The following UBE3A variants were observed in gnomAD, a reference collection of about 807,000 sequenced individuals.
UBE3A encodes the protein ubiquitin-protein ligase E3A.
UBE3A carries 6 observed loss-of-function variants against 83.4 expected under a neutral mutation model. The ratio of observed to expected loss-of-function variants is 0.07; its 90% confidence interval spans 0.04 to 0.14. The LOEUF (loss-of-function observed/expected upper bound fraction) is 0.14, where lower values mean the gene tolerates loss of function less well. Ranked by LOEUF, UBE3A falls within the 10% of genes least tolerant of loss-of-function variation. UBE3A has a pLI of 1.00. For synonymous variants in UBE3A, 337 were observed against 355.4 expected (o/e 0.95, Z 0.58); for missense variants, 456 against 1,036.1 (o/e 0.44, Z 7.69).
chr15:25,351,705 C>T (rs368262459), intron 11 of UBE3A, among the ~76,000 whole-genome samples: 137 of 152,240 alleles, frequency 9.0e-4, no homozygotes, highest in African/African-American at 3.2e-3. Flanking sequence ...TCCTGGCTTC[C>T]GGTGATCTGC....
At chr15:25,405,346 T>C in intron 4 of UBE3A, 115 bp downstream of exon 4, 1 of 1,235,876 alleles carries the variant, frequency 8.1e-7, no homozygotes, top group Non-Finnish European at 1.2e-6. Context: ...TCCCATTTAC[T>C]GCTAAATGAT....
At chr15:25,352,677 TTC>T (rs995710044) in intron 11 of UBE3A, among the ~76,000 whole-genome samples, 60 of 152,358 alleles carry the variant, frequency 3.9e-4, no homozygotes, top group African/African-American at 1.4e-3. Context: ...CTTTTTTCTC[TTC>T]TGTTATTACA....
chr15:25,425,473 A>G (rs1567173880), intron 1 of UBE3A, among the ~76,000 whole-genome samples: 1 of 152,186 alleles, frequency 6.6e-6, no homozygotes, highest in Non-Finnish European at 1.5e-5. Flanking sequence ...AACAGTTTTG[A>G]AAGTTAGAGA....
intron 4 of UBE3A, among the ~76,000 whole-genome samples, chr15:25,387,393 G>A (rs1457892567): frequency 6.6e-6 from 1 of 151,988 alleles, no homozygotes; most frequent in Non-Finnish European, 1.5e-5. Context: ...GTGGTGGCAG[G>A]CGCCTGTAGT....
At chr15:25,408,505 T>A (rs967577990) in intron 3 of UBE3A, 2 of 1,351,512 alleles carry the variant, frequency 1.5e-6, no homozygotes, top group African/African-American at 2.9e-5. Flanking sequence ...AAAATGTAAA[T>A]CTCAGAATGA....
intron 1 of UBE3A, among the ~76,000 whole-genome samples, chr15:25,414,491 T>C (rs1365466941): frequency 6.6e-6 from 1 of 152,144 alleles, no homozygotes; most frequent in East Asian, 1.9e-4. Flanking sequence ...GATGGAGAGA[T>C]ACAGGGGGTG....
intron 6 of UBE3A, among the ~76,000 whole-genome samples, chr15:25,367,749 A>C (rs2079562346): frequency 6.6e-6 from 1 of 152,082 alleles, no homozygotes; most frequent in South Asian, 2.1e-4. Flanking sequence ...CTTGTCATCA[A>C]AGACAATTTC....
chr15:25,428,264 A>C (rs1415497835), intron 1 of UBE3A, among the ~76,000 whole-genome samples: 1 of 152,226 alleles, frequency 6.6e-6, no homozygotes, highest in East Asian at 1.9e-4. Context: ...TTAATGCTGG[A>C]ACAACTAGCT....
chr15:25,371,355 T>C lies in UBE3A; in HGVS notation c.819A>G (p.Val273=), dbSNP rs370294710. 2.2e-5 allele frequency: 35 copies of C among 1,613,996 alleles called. No individual in the cohort carries two copies. In the South Asian group the frequency reaches 3.5e-4, roughly 16 times the overall value. Residue 273 remains valine, a synonymous_variant, in exon 6 of 13, where the codon GTA becomes GTG. Coordinates refer to ENST00000648336, the MANE Select transcript of UBE3A (RefSeq NM_130839.5). The surrounding 1 kb of genome is among the most constrained non-coding windows in gnomAD (Gnocchi z 5.3). ...NVECDLTYHN[V]YSRDPNYLNL... is the part of the protein sequence containing the mutation. ...TCAGATAATTAGGATCTCGAGAGTA[T>C]ACATTGTGATACGTCAAGTCACATT...
chr15:25,404,358 A>G (rs147353683), intron 4 of UBE3A, among the ~76,000 whole-genome samples: 1,717 of 152,118 alleles, frequency 0.011, 40 homozygotes, highest in African/African-American at 0.039. Context: ...GTCAATCACT[A>G]TATCTGCATT....
intron 11 of UBE3A, among the ~76,000 whole-genome samples, chr15:25,345,469 A>G (rs1393602683): frequency 6.6e-6 from 1 of 152,082 alleles, no homozygotes; most frequent in African/African-American, 2.4e-5. Flanking sequence ...ATTTTTGACC[A>G]TTTTACAAAA....
intron 12 of UBE3A, 97 bp downstream of exon 12, chr15:25,339,988 C>G (rs978656272): frequency 6.7e-7 from 1 of 1,485,270 alleles, no homozygotes; most frequent in Non-Finnish European, 9.4e-7. Context: ...TATAAAATCA[C>G]GAATGTGCTC....
chr15:25,415,499 C>A (rs1456496982), intron 1 of UBE3A, among the ~76,000 whole-genome samples: 2 of 152,068 alleles, frequency 1.3e-5, no homozygotes, highest in Non-Finnish European at 2.9e-5. Flanking sequence ...TCTGAGGAGA[C>A]TTCACTCGGA....
At chr15:25,397,707 T>G (rs2085906086) in intron 4 of UBE3A, among the ~76,000 whole-genome samples, 1 of 152,150 alleles carries the variant, frequency 6.6e-6, no homozygotes, top group Admixed American at 6.6e-5. Flanking sequence ...AGCTTGTAAT[T>G]TGAAACTCAT....
At position 25,415,737 on chromosome 15, in the gene UBE3A, T is replaced by A. The variant is rs934479980; in HGVS notation, c.-164-3766A>T. ...TACATTACAGCTATCTGTATACATT[T>A]GTCAGTGCCTCTAGTTGTAAGCTGA... On this transcript the variant is annotated intron_variant, in intron 1 of 12. Coordinates refer to ENST00000648336, the MANE Select transcript of UBE3A (RefSeq NM_130839.5). 4 of 152,128 alleles carry A rather than the reference T, an allele frequency of 2.6e-5. No homozygotes were observed. In the Middle Eastern group the frequency reaches 0.01, roughly 391 times the overall value. 9.4% of individuals were successfully genotyped at this position (152,128 alleles called of 1,614,324 possible).
At chr15:25,372,816 A>G (rs967482638) in intron 5 of UBE3A, among the ~76,000 whole-genome samples, 4 of 152,208 alleles carry the variant, frequency 2.6e-5, no homozygotes, top group Admixed American at 1.3e-4. Context: ...GCACACAGAC[A>G]ATCCTACCTC....
intron 4 of UBE3A, among the ~76,000 whole-genome samples, chr15:25,376,096 G>T (rs1233511756): frequency 2.6e-5 from 4 of 152,086 alleles, no homozygotes; most frequent in Non-Finnish European, 5.9e-5. Flanking sequence ...AAATCACAAG[G>T]TTTACAGCTA....
intron 4 of UBE3A, among the ~76,000 whole-genome samples, chr15:25,394,519 T>C (rs1016669743): frequency 8.5e-5 from 13 of 152,212 alleles, no homozygotes; most frequent in African/African-American, 2.9e-4. Context: ...TGCTTATAGA[T>C]GTGTAAGTAC....
intron 11 of UBE3A, among the ~76,000 whole-genome samples, chr15:25,353,260 A>C (rs2076768054): frequency 1.3e-5 from 2 of 152,342 alleles, no homozygotes; most frequent in Admixed American, 1.3e-4. Flanking sequence ...GTGCACCAGA[A>C]AGAAGAAATA....
Sources: allele counts gnomAD v4.1 joint callset (sites outside exome capture counted in the v4.1 genomes callset), GRCh38; gene constraint gnomAD v4.1.1; non-coding constraint Gnocchi (gnomAD v3.1); transcripts MANE v1.5; gene names NCBI Gene and HGNC (gene_info 2026-07-23, HGNC 2026-07-21).